Variants in MTCH2 observed in about 807,000 individuals in gnomAD.
The protein encoded by MTCH2 is mitochondrial carrier 2.
In MTCH2, 25 loss-of-function variants were observed where a neutral mutation model predicts 50.6. That is an observed-to-expected ratio of 0.49 (90% confidence interval 0.36 to 0.69). MTCH2 has a LOEUF of 0.69. MTCH2 is among the 30% of genes least tolerant of loss of function. The probability of loss-of-function intolerance (pLI) is 0.00; values close to 1 mark genes in which losing one functional copy is unlikely to be tolerated. For synonymous variants in MTCH2, 106 were observed against 132.0 expected (o/e 0.80, Z 1.35); for missense variants, 273 against 384.4 (o/e 0.71, Z 2.42).
Position 47,618,706 on chromosome 11 carries a change from C to A in MTCH2, c.*127G>T. The A allele has an allele frequency of 1.6e-6, 1 of 638,036 alleles. No homozygotes were observed. The highest frequency in any genetic ancestry group is 2.3e-6 in the Non-Finnish European group (1 of 443,520). 39.5% of individuals were successfully genotyped at this position (638,036 alleles called of 1,614,324 possible). ...AAGAACAAAAAAGGCAGACACCAAA[C>A]ACCTGAATTTTCCCAAGATTAAATG... On this transcript the variant is annotated 3_prime_UTR_variant, in exon 13 of 13. Coordinates refer to ENST00000302503, the MANE Select transcript of MTCH2 (RefSeq NM_014342.4).
intron 6 of MTCH2, 70 bp from the exon 7 acceptor site, chr11:47,631,157 C>G (rs2097302659): frequency 7.4e-7 from 1 of 1,345,442 alleles, no homozygotes; most frequent in African/African-American, 1.4e-5. Context: ...ACCTGTAATC[C>G]CAGCACTTTG....
At chr11:47,639,132 C>A in intron 1 of MTCH2, 81 bp from the exon 2 acceptor site, 1 of 1,241,228 alleles carries the variant, frequency 8.1e-7, no homozygotes, top group Non-Finnish European at 1.1e-6. Flanking sequence ...ATAAAGAACA[C>A]AATTTGGGTT....
At chr11:47,611,249 TGTG>T in the MTCH2 span, among the ~76,000 whole-genome samples, 2 of 152,230 alleles carry the variant, frequency 1.3e-5, no homozygotes, top group African/African-American at 2.4e-5. Flanking sequence ...AAACTCTAAA[TGTG>T]AGCCCCTCAG....
At chr11:47,616,863 T>C (rs1416171680), downstream of MTCH2, among the ~76,000 whole-genome samples, 4 of 152,144 alleles carry the variant, frequency 2.6e-5, no homozygotes, top group East Asian at 7.7e-4. Flanking sequence ...TTGTTATTTT[T>C]AGTAGAGACA....
chr11:47,635,442 G>C (rs2153800495), intron 4 of MTCH2, 103 bp downstream of exon 4: 1 of 1,290,628 alleles, frequency 7.7e-7, no homozygotes, highest in Non-Finnish European at 1.1e-6. Flanking sequence ...TCACTGAGAT[G>C]AATAGGAGAC....
intron 7 of MTCH2, 24 bp downstream of exon 7, chr11:47,631,012 G>C: frequency 6.3e-7 from 1 of 1,579,672 alleles, no homozygotes; most frequent in Non-Finnish European, 8.7e-7. Context: ...ATCTCCTTGA[G>C]TATGTGAAAA....
At chr11:47,639,763 G>A (rs775965199) in intron 1 of MTCH2, among the ~76,000 whole-genome samples, 12 of 152,054 alleles carry the variant, frequency 7.9e-5, no homozygotes, top group Admixed American at 4.6e-4. Flanking sequence ...ACTTGAACCC[G>A]GGAGGCAGAG....
intron 10 of MTCH2, 137 bp downstream of exon 10, chr11:47,626,943 T>C: frequency 1.5e-6 from 1 of 673,832 alleles, no homozygotes. Context: ...CTTTGACAAA[T>C]ATAACAAATT....
In MTCH2 at chr11:47,638,712, C is replaced by T; in HGVS notation, c.266G>A (p.Gly89Asp). Residue 89 changes from glycine (G) to aspartate (D), a missense_variant, in exon 3 of 13, where the codon GGT becomes GAT. By Grantham distance (94) the Gly-to-Asp change is moderately conservative. Around this residue, in one of 2 missense-constraint regions of MTCH2, gnomAD observed 203 missense variants for 244.3 expected, o/e 0.83. Transcript: ENST00000302503. ...TTTTCCTCTTACCTGTAAAACTTTA[C>T]CATGGACCACAGTTCCAAGGACTCC... ...CSGVLGTVVH[G>D]KVLQHYQESD... 1 of 1,614,046 alleles carries T rather than the reference C, an allele frequency of 6.2e-7. No individual in the cohort carries two copies. The highest frequency in any genetic ancestry group is 8.5e-7 in the Non-Finnish European group (1 of 1,179,894).
the MTCH2 span, among the ~76,000 whole-genome samples, chr11:47,611,447 A>T: frequency 6.6e-6 from 1 of 152,228 alleles, no homozygotes; most frequent in Admixed American, 6.5e-5. Context: ...GCTTGTCCTT[A>T]TCCAACCTCT....
At chr11:47,639,838 T>A (rs575502208) in intron 1 of MTCH2, among the ~76,000 whole-genome samples, 1 of 151,884 alleles carries the variant, frequency 6.6e-6, no homozygotes, top group African/African-American at 2.4e-5. Flanking sequence ...AGACTCCATC[T>A]CAAAAACAAA....
In MTCH2 at chr11:47,617,713, G is replaced by A. The variant is rs2097289461; in HGVS notation, c.*1120C>T. The A allele has an allele frequency of 6.6e-6, 1 of 152,354 alleles. No individual in the cohort carries two copies. Among genetic ancestry groups the A allele is most frequent in the South Asian group, 2.1e-4 (1 of 4,828 alleles). The allele number at this position is 152,354 out of a possible 1,614,324, so 9.4% of individuals were successfully genotyped here. A position where few individuals can be genotyped will look rare whatever the true frequency, so the allele number is the denominator to read the frequency against. ...AGGCCTGAGTAAACAGAAGCTTTATGCTTGAGTTGAATTTTATTTTCTCCC... is the reference window on the plus strand; with the variant it reads ...AGGCCTGAGTAAACAGAAGCTTTATACTTGAGTTGAATTTTATTTTCTCCC... On this transcript the variant is annotated 3_prime_UTR_variant, in exon 13 of 13. Transcript: ENST00000302503.
intron 11 of MTCH2, among the ~76,000 whole-genome samples, chr11:47,625,231 G>A (rs2097296889): frequency 6.6e-6 from 1 of 151,876 alleles, no homozygotes; most frequent in African/African-American, 2.4e-5. Flanking sequence ...GACCAGCCTG[G>A]CCAACATGGT....
chr11:47,619,185 G>GTT (rs1272071467), intron 12 of MTCH2, among the ~76,000 whole-genome samples: 1 of 152,180 alleles, frequency 6.6e-6, no homozygotes, highest in Non-Finnish European at 1.5e-5. Context: ...CTTAGCAAAT[G>GTT]AGTCATGTAG....
chr11:47,641,888 TA>T (rs765969297), intron 1 of MTCH2, among the ~76,000 whole-genome samples: 2 of 151,878 alleles, frequency 1.3e-5, no homozygotes, highest in South Asian at 4.1e-4. Context: ...AAAGCAGTAG[TA>T]ACAGTAGCAT....
At chr11:47,631,563 G>C (rs1294945087) in intron 6 of MTCH2, 91 bp downstream of exon 6, 1 of 1,249,006 alleles carries the variant, frequency 8.0e-7, no homozygotes, top group African/African-American at 1.5e-5. Flanking sequence ...ATGCAGGCAA[G>C]GCATTTTAGT....
chr11:47,615,522 G>A (rs141602183), downstream of MTCH2, among the ~76,000 whole-genome samples: 106 of 152,294 alleles, frequency 7.0e-4, no homozygotes, highest in African/African-American at 2.2e-3. Context: ...TCACTGGCAA[G>A]AGGGGGAGGA....
At chr11:47,630,165 A>G (rs2097301760) in intron 8 of MTCH2, among the ~76,000 whole-genome samples, 1 of 152,120 alleles carries the variant, frequency 6.6e-6, no homozygotes, top group African/African-American at 2.4e-5. Flanking sequence ...AGTAGCTGGG[A>G]TTACAGGCAC....
intron 10 of MTCH2, 80 bp from the exon 11 acceptor site, chr11:47,625,821 G>A: frequency 9.0e-7 from 1 of 1,115,408 alleles, no homozygotes; most frequent in East Asian, 2.4e-5. Flanking sequence ...AAGGCCTAGT[G>A]CCACTGCGGT....
Sources: gnomAD v4.1 joint callset for allele counts (sites outside exome capture counted in the v4.1 genomes callset) on GRCh38, gnomAD v4.1.1 for gene constraint, gnomAD v4.1.1 regional missense constraint, MANE v1.5 for transcripts, NCBI Gene and HGNC (gene_info 2026-07-23, HGNC 2026-07-21) for gene names.